Variants in THSD7A observed in about 807,000 individuals in gnomAD.
THSD7A encodes the protein thrombospondin type 1 domain containing 7A, also known as thrombospondin type-1 domain-containing protein 7A.
Under a neutral mutation model 231.3 loss-of-function variants are expected in THSD7A, and 96 were observed. That is an observed-to-expected ratio of 0.41 (90% CI 0.35 to 0.49). The LOEUF (loss-of-function observed/expected upper bound fraction) is 0.49. Among genes scored for constraint, THSD7A ranks in the 20% least tolerant of loss-of-function variants. The probability of loss-of-function intolerance (pLI) is 0.05; values close to 1 mark genes in which losing one functional copy is unlikely to be tolerated. For missense variants in THSD7A, 2,290 were observed against 2,070.2 expected (o/e 1.11, Z -2.06); for synonymous variants, 940 against 743.3 (o/e 1.26, Z -4.30).
intron 23 of THSD7A, among the ~76,000 whole-genome samples, chr7:11,392,924 A>G (rs1447849865): frequency 6.6e-6 from 1 of 152,202 alleles, no homozygotes; most frequent in African/African-American, 2.4e-5. Flanking sequence ...CTGGGATAGG[A>G]TAGAGCACCT....
intron 6 of THSD7A, among the ~76,000 whole-genome samples, chr7:11,538,711 C>A (rs74701753): frequency 6.6e-6 from 1 of 152,036 alleles, no homozygotes; most frequent in East Asian, 1.9e-4. Context: ...AGAGTCTAAT[C>A]GTCTTTTGTG....
At chr7:11,552,022 G>A (rs1230213282) in intron 4 of THSD7A, among the ~76,000 whole-genome samples, 1 of 152,080 alleles carries the variant, frequency 6.6e-6, no homozygotes, top group East Asian at 1.9e-4. Context: ...GCAGCAACAT[G>A]GATGGACCTG....
At chr7:11,424,014 AG>A (rs1020660082) in intron 16 of THSD7A, among the ~76,000 whole-genome samples, 9 of 152,080 alleles carry the variant, frequency 5.9e-5, no homozygotes, top group African/African-American at 1.9e-4. Context: ...CAACACAGTG[AG>A]GGGTATATGG....
At chr7:11,576,703 T>C (rs931771330) in intron 4 of THSD7A, among the ~76,000 whole-genome samples, 1 of 152,216 alleles carries the variant, frequency 6.6e-6, no homozygotes, top group Non-Finnish European at 1.5e-5. Flanking sequence ...CAAATAACTG[T>C]GAACAAGACT....
At chr7:11,776,452 C>G (rs1408044867) in intron 1 of THSD7A, among the ~76,000 whole-genome samples, 2 of 152,182 alleles carry the variant, frequency 1.3e-5, no homozygotes, top group Non-Finnish European at 2.9e-5. Context: ...AAGCCCTACC[C>G]TTATTATCTA....
chr7:11,674,484 G>T (rs1477610393), intron 1 of THSD7A, among the ~76,000 whole-genome samples: 1 of 152,030 alleles, frequency 6.6e-6, no homozygotes, highest in Non-Finnish European at 1.5e-5. Context: ...CCACCTAGTA[G>T]AATTCATCCT....
rs1422492872 is a variant in THSD7A at position 11,769,151 on chromosome 7, A to ATTTTTTTTTTTTTTTTTTTTTTTTTT, written c.190+62605_190+62606insAAAAAAAAAAAAAAAAAAAAAAAAAA. Among the ~76,000 whole-genome samples the ATTTTTTTTTTTTTTTTTTTTTTTTTT allele has an allele frequency of 8.5e-5, 3 of 35,488 alleles. 1 individual carries two copies. Among genetic ancestry groups the ATTTTTTTTTTTTTTTTTTTTTTTTTT allele is most frequent in the Non-Finnish European group, 1.8e-4 (3 of 16,644 alleles). 23.3% of individuals were successfully genotyped at this position (35,488 alleles called of 152,430 possible). On this transcript the variant is annotated intron_variant, in intron 1 of 27. Coordinates refer to ENST00000423059, the MANE Select transcript of THSD7A (RefSeq NM_015204.3). ...TATATATATATATATATATATATAT[A>ATTTTTTTTTTTTTTTTTTTTTTTTTT]TATTTTTTTTTTTTTTTGGTATTTT...
chr7:11,435,998 C>CTT (rs1033468393), intron 13 of THSD7A, among the ~76,000 whole-genome samples: 4 of 152,120 alleles, frequency 2.6e-5, no homozygotes, highest in African/African-American at 9.6e-5. Flanking sequence ...AGAAAATAAA[C>CTT]TTATATATGT....
chr7:11,688,835 C>G (rs1780145590), intron 1 of THSD7A, among the ~76,000 whole-genome samples: 1 of 151,734 alleles, frequency 6.6e-6, no homozygotes, highest in Non-Finnish European at 1.5e-5. Flanking sequence ...CTTGCATTAT[C>G]TCAGTTAATT....
intron 4 of THSD7A, among the ~76,000 whole-genome samples, chr7:11,570,929 A>G (rs111524238): frequency 1.3e-5 from 2 of 152,270 alleles, no homozygotes; most frequent in African/African-American, 4.8e-5. Context: ...TATGTATTCC[A>G]TTTAATTCTT....
intron 1 of THSD7A, among the ~76,000 whole-genome samples, chr7:11,735,349 T>G (rs1008335639): frequency 6.6e-6 from 1 of 151,912 alleles, no homozygotes; most frequent in African/African-American, 2.4e-5. Context: ...AAATCTGAAA[T>G]GCTCCGAAAT....
At chr7:11,585,502 AC>A (rs1225018649) in intron 4 of THSD7A, among the ~76,000 whole-genome samples, 36 of 152,338 alleles carry the variant, frequency 2.4e-4, no homozygotes, top group African/African-American at 8.4e-4. Flanking sequence ...ATTGATATAA[AC>A]AAGAGAGTTA....
intron 1 of THSD7A, among the ~76,000 whole-genome samples, chr7:11,807,394 A>G (rs888992552): frequency 6.6e-6 from 1 of 152,154 alleles, no homozygotes; most frequent in Non-Finnish European, 1.5e-5. Flanking sequence ...CAAATATACT[A>G]CTTATTTGGG....
At chr7:11,548,144 C>G (rs547854252) in intron 4 of THSD7A, among the ~76,000 whole-genome samples, 1 of 152,116 alleles carries the variant, frequency 6.6e-6, no homozygotes, top group Non-Finnish European at 1.5e-5. Context: ...AGAGAAGATC[C>G]TATTAAACAC....
intron 2 of THSD7A, among the ~76,000 whole-genome samples, chr7:11,604,846 A>T (rs996334888): frequency 1.3e-5 from 2 of 152,132 alleles, no homozygotes; most frequent in African/African-American, 4.8e-5. Flanking sequence ...GCAGAAGTAA[A>T]GGCTGGAATT....
intron 1 of THSD7A, among the ~76,000 whole-genome samples, chr7:11,778,534 T>C (rs1026208273): frequency 2.0e-5 from 3 of 152,178 alleles, no homozygotes; most frequent in Non-Finnish European, 2.9e-5. Flanking sequence ...CTAAGAATGG[T>C]AGATGGCAGA....
At chr7:11,507,106 G>T (rs1787577781) in intron 6 of THSD7A, among the ~76,000 whole-genome samples, 1 of 152,112 alleles carries the variant, frequency 6.6e-6, no homozygotes, top group Admixed American at 6.6e-5. Context: ...GATACCTAAA[G>T]ACATTAAGCA....
intron 4 of THSD7A, among the ~76,000 whole-genome samples, chr7:11,576,208 C>T (rs12699247): frequency 0.19 from 28,875 of 152,124 alleles, 2,839 homozygotes; most frequent in East Asian, 0.23. Context: ...CACTCCTCAT[C>T]CATTTATTCT....
chr7:11,376,426 A>G, intron 27 of THSD7A, 144 bp downstream of exon 27: 1 of 625,566 alleles, frequency 1.6e-6, no homozygotes, highest in Non-Finnish European at 2.6e-6. Flanking sequence ...GGTAGCTTTT[A>G]GCCCATCTAG....
Sources: gnomAD v4.1 joint callset for allele counts (sites outside exome capture counted in the v4.1 genomes callset) on GRCh38, gnomAD v4.1.1 for gene constraint, MANE v1.5 for transcripts, NCBI Gene and HGNC (gene_info 2026-07-23, HGNC 2026-07-21) for gene names.